The following SRPK2 variants were observed in gnomAD, a reference collection of about 807,000 sequenced individuals.
SRPK2 encodes SRSF protein kinase 2.
In SRPK2, 21 loss-of-function variants were observed where a neutral mutation model predicts 90.8. That is an observed-to-expected ratio of 0.23 (90% CI 0.16 to 0.33). The LOEUF (loss-of-function observed/expected upper bound fraction) is 0.33, where lower values mean the gene tolerates loss of function less well. SRPK2 is among the 10% of genes least tolerant of loss of function. SRPK2 has a pLI of 1.00. For synonymous variants in SRPK2, 288 were observed against 311.1 expected, an observed-to-expected ratio of 0.93 and a Z score of 0.78; for missense variants, 620 against 869.0, an observed-to-expected ratio of 0.71 and a Z score of 3.60.
At chr7:105,287,500 G>A (rs1808323458) in intron 2 of SRPK2, among the ~76,000 whole-genome samples, 1 of 152,144 alleles carries the variant, frequency 6.6e-6, no homozygotes, top group African/African-American at 2.4e-5. Context: ...ACTTTGGGAG[G>A]CTGAGGAGGG....
At chr7:105,368,837 A>G (rs1198750251) in intron 2 of SRPK2, among the ~76,000 whole-genome samples, 2 of 148,472 alleles carry the variant, frequency 1.3e-5, no homozygotes, top group African/African-American at 5.0e-5. Flanking sequence ...GTGAGCTGAG[A>G]TCGTGCCACT....
At chr7:105,325,486 C>A (rs370865824) in intron 2 of SRPK2, among the ~76,000 whole-genome samples, 424 of 86,004 alleles carry the variant, frequency 4.9e-3, no homozygotes, top group African/African-American at 5.7e-3. Context: ...ACCAAGTCTT[C>A]AAAAAAAAAA....
At chr7:105,256,388 C>T (rs1803313791) in intron 2 of SRPK2, among the ~76,000 whole-genome samples, 1 of 152,188 alleles carries the variant, frequency 6.6e-6, no homozygotes, top group African/African-American at 2.4e-5. Flanking sequence ...CAGAGTCTCA[C>T]TCTGTCACCC....
At chr7:105,139,266 G>A (rs769104306) in intron 11 of SRPK2, among the ~76,000 whole-genome samples, 1 of 152,254 alleles carries the variant, frequency 6.6e-6, no homozygotes, top group African/African-American at 2.4e-5. Context: ...AAGCTGGAGA[G>A]AACACAAAGC....
chr7:105,296,934 C>T (rs1237030157), intron 2 of SRPK2, among the ~76,000 whole-genome samples: 1 of 152,182 alleles, frequency 6.6e-6, no homozygotes, highest in Non-Finnish European at 1.5e-5. Flanking sequence ...GAAAACAAAT[C>T]CAGGCACTCC....
chr7:105,163,477 A>G (rs1204129564), intron 6 of SRPK2, among the ~76,000 whole-genome samples: 1 of 152,032 alleles, frequency 6.6e-6, no homozygotes, highest in Non-Finnish European at 1.5e-5. Flanking sequence ...GCAGCGGCAG[A>G]CCATTTGCAT....
chr7:105,157,749 C>T (rs1806739905), intron 7 of SRPK2, among the ~76,000 whole-genome samples: 1 of 152,206 alleles, frequency 6.6e-6, no homozygotes, highest in Non-Finnish European at 1.5e-5. Context: ...TAAGTTTCCA[C>T]CAAAAACAGG....
chr7:105,115,859 G>T (rs1474181554), downstream of SRPK2, among the ~76,000 whole-genome samples: 1 of 152,032 alleles, frequency 6.6e-6, no homozygotes, highest in East Asian at 1.9e-4. Context: ...ATGCCCTATG[G>T]TTCTTGTAAG....
chr7:105,334,488 TG>T (rs1279189455), intron 2 of SRPK2, among the ~76,000 whole-genome samples: 1 of 151,128 alleles, frequency 6.6e-6, no homozygotes, highest in Non-Finnish European at 1.5e-5. Flanking sequence ...CCCAAAGTGC[TG>T]GGATTACAGG....
At chr7:105,378,800 G>C (rs1820602811) in intron 2 of SRPK2, among the ~76,000 whole-genome samples, 1 of 151,320 alleles carries the variant, frequency 6.6e-6, no homozygotes, top group Non-Finnish European at 1.5e-5. Flanking sequence ...TCATTACTCA[G>C]GAAAATGCAA....
chr7:105,383,052 AATTT>A lies in SRPK2; in HGVS notation c.71+5592_71+5595del, dbSNP rs1420604481. ...AGTCTGAAATTATTTCAAAAGTAAA[AATTT>A]TTTTTTTTTTTTTTTTTTTTTTTTT... On this transcript the variant is annotated intron_variant, in intron 2 of 15. Transcript: ENST00000393651. 2.6e-3 allele frequency among the ~76,000 whole-genome samples: 270 copies of A among 105,310 alleles called. 36 individuals are homozygous for A. The East Asian group carries it at 0.047, about 18-fold the overall frequency. The allele number at this position is 105,310 out of a possible 152,430, so 69.1% of individuals were successfully genotyped here.
intron 2 of SRPK2, among the ~76,000 whole-genome samples, chr7:105,353,234 A>C (rs1484207852): frequency 1.3e-5 from 2 of 152,338 alleles, no homozygotes; most frequent in East Asian, 3.9e-4. Flanking sequence ...TCTACAACCT[A>C]TCAGCTCTAA....
chr7:105,337,200 TC>T (rs1186477364), intron 2 of SRPK2, among the ~76,000 whole-genome samples: 1 of 151,980 alleles, frequency 6.6e-6, no homozygotes, highest in Non-Finnish European at 1.5e-5. Flanking sequence ...CTGAATTGTG[TC>T]CCCCCAAAAT....
chr7:105,287,096 CT>C (rs1472930616), intron 2 of SRPK2, among the ~76,000 whole-genome samples: 1 of 150,674 alleles, frequency 6.6e-6, no homozygotes, highest in African/African-American at 2.4e-5. Context: ...CCCGTCTCTA[CT>C]AAAAATACAA....
chr7:105,261,452 C>T (rs1441628716), intron 2 of SRPK2, among the ~76,000 whole-genome samples: 1 of 151,534 alleles, frequency 6.6e-6, no homozygotes, highest in African/African-American at 2.4e-5. Context: ...ACCTGGGAGG[C>T]GGAGCTTGCA....
chr7:105,287,311 T>G (rs1012608416), intron 2 of SRPK2, among the ~76,000 whole-genome samples: 8 of 145,270 alleles, frequency 5.5e-5, no homozygotes, highest in African/African-American at 1.8e-4. Flanking sequence ...AAGATCCACA[T>G]GTACTGATAA....
At chr7:105,286,533 C>T (rs1433007812) in intron 2 of SRPK2, among the ~76,000 whole-genome samples, 1 of 152,092 alleles carries the variant, frequency 6.6e-6, no homozygotes, top group African/African-American at 2.4e-5. Context: ...CAGAATGCAT[C>T]CTCTGTATTT....
intron 2 of SRPK2, among the ~76,000 whole-genome samples, chr7:105,289,596 A>C (rs1808676478): frequency 6.6e-6 from 1 of 152,222 alleles, no homozygotes; most frequent in African/African-American, 2.4e-5. Flanking sequence ...AGTGATCATA[A>C]AAATATAAAT....
intron 2 of SRPK2, among the ~76,000 whole-genome samples, chr7:105,365,786 T>C (rs1293867503): frequency 2.0e-5 from 3 of 151,538 alleles, no homozygotes; most frequent in Non-Finnish European, 4.4e-5. Flanking sequence ...AACAAAACTC[T>C]ATCTTTTAAT....
Sources: allele counts gnomAD v4.1 joint callset (sites outside exome capture counted in the v4.1 genomes callset), GRCh38; gene constraint gnomAD v4.1.1; transcripts MANE v1.5; gene names NCBI Gene and HGNC (gene_info 2026-07-23, HGNC 2026-07-21).